Variants in GRM7 observed in about 807,000 individuals in gnomAD.
GRM7 encodes the protein metabotropic glutamate receptor 7.
GRM7 carries 35 observed loss-of-function variants against 84.5 expected under a neutral mutation model. That is an observed-to-expected ratio of 0.41 (90% CI 0.32 to 0.55). The LOEUF (loss-of-function observed/expected upper bound fraction) is 0.55, where lower values mean the gene tolerates loss of function less well. GRM7 is among the 20% of genes least tolerant of loss of function. The pLI is 0.19. For missense variants in GRM7, 1,003 were observed against 1,194.6 expected (o/e 0.84, Z 2.36); for synonymous variants, 487 against 455.1 (o/e 1.07, Z -0.89).
chr3:7,406,190 T>C (rs141903816), intron 4 of GRM7, among the ~76,000 whole-genome samples: 1,558 of 152,166 alleles, frequency 0.01, 16 homozygotes, highest in South Asian at 0.024. Context: ...AATGATTATC[T>C]TTAATAACTA....
At chr3:7,529,850 T>G (rs1447183010) in intron 7 of GRM7, among the ~76,000 whole-genome samples, 1 of 151,310 alleles carries the variant, frequency 6.6e-6, no homozygotes, top group Non-Finnish European at 1.5e-5. Context: ...GGGGAACAAA[T>G]AAGCTGTTGT....
chr3:7,258,966 G>T (rs1477300627), intron 2 of GRM7, among the ~76,000 whole-genome samples: 4 of 152,230 alleles, frequency 2.6e-5, no homozygotes. Context: ...ACTAACTTAA[G>T]ATGCATATGA....
intron 4 of GRM7, among the ~76,000 whole-genome samples, chr3:7,322,747 A>G (rs1848453): frequency 0.12 from 17,858 of 151,902 alleles, 1,131 homozygotes; most frequent in Non-Finnish European, 0.14. Context: ...ATTCCTTTTT[A>G]TGGCTGAGTA....
chr3:7,638,210 A>C (rs543708301), intron 8 of GRM7, among the ~76,000 whole-genome samples: 4 of 151,782 alleles, frequency 2.6e-5, no homozygotes, highest in Admixed American at 1.3e-4. Flanking sequence ...TGCAAAGATT[A>C]ATCTGTCTTT....
chr3:7,538,544 A>C (rs76069461), intron 7 of GRM7, among the ~76,000 whole-genome samples: 119 of 152,336 alleles, frequency 7.8e-4, no homozygotes, highest in African/African-American at 2.5e-3. Context: ...AGGATGAAAA[A>C]CATCAAGGTT....
intron 7 of GRM7, among the ~76,000 whole-genome samples, chr3:7,560,957 T>G (rs1037731624): frequency 7.2e-5 from 11 of 152,216 alleles, no homozygotes; most frequent in Non-Finnish European, 8.8e-5. Context: ...GGATATCATG[T>G]GGCACATACT....
At chr3:7,087,143 T>C (rs1698485939) in intron 1 of GRM7, among the ~76,000 whole-genome samples, 2 of 152,216 alleles carry the variant, frequency 1.3e-5, no homozygotes, top group South Asian at 4.1e-4. Flanking sequence ...GATAAGCATG[T>C]GCTTTCTTCT....
intron 2 of GRM7, among the ~76,000 whole-genome samples, chr3:7,268,183 T>C (rs1232497424): frequency 6.6e-6 from 1 of 152,090 alleles, no homozygotes; most frequent in Non-Finnish European, 1.5e-5. Context: ...GAATCAGATG[T>C]TAAAACTGGT....
chr3:7,545,311 C>T (rs1016126554), intron 7 of GRM7, among the ~76,000 whole-genome samples: 8 of 152,262 alleles, frequency 5.3e-5, no homozygotes, highest in African/African-American at 9.6e-5. Flanking sequence ...CTCTGTACTA[C>T]GTTAAGTATT....
At chr3:7,253,771 T>A (rs1310389611) in intron 2 of GRM7, among the ~76,000 whole-genome samples, 5 of 152,058 alleles carry the variant, frequency 3.3e-5, no homozygotes, top group Non-Finnish European at 5.9e-5. Flanking sequence ...GTGTAGTAAG[T>A]CTTCTGATGC....
chr3:7,668,789 G>T (rs1446519827), intron 8 of GRM7, among the ~76,000 whole-genome samples: 1 of 152,204 alleles, frequency 6.6e-6, no homozygotes, highest in African/African-American at 2.4e-5. Context: ...ATTTTGCATG[G>T]ATTTCTCAAA....
At chr3:7,679,488 A>T (rs2125139901) in intron 8 of GRM7, among the ~76,000 whole-genome samples, 1 of 152,190 alleles carries the variant, frequency 6.6e-6, no homozygotes, top group South Asian at 2.1e-4. Flanking sequence ...CTTGTGTTTT[A>T]TAAGACAGAA....
At chr3:7,404,783 A>G (rs1025325788) in intron 4 of GRM7, among the ~76,000 whole-genome samples, 1 of 151,866 alleles carries the variant, frequency 6.6e-6, no homozygotes, top group Non-Finnish European at 1.5e-5. Context: ...AACTCTTTTG[A>G]GTCCTACATA....
intron 8 of GRM7, among the ~76,000 whole-genome samples, chr3:7,628,190 A>G (rs1418601541): frequency 6.6e-6 from 1 of 152,196 alleles, no homozygotes; most frequent in African/African-American, 2.4e-5. Context: ...TAAAATGGGT[A>G]GCACACACTT....
At chr3:7,052,772 T>A (rs35595705) in intron 1 of GRM7, among the ~76,000 whole-genome samples, 20,697 of 145,772 alleles carry the variant, frequency 0.14, 1,824 homozygotes, top group Middle Eastern at 0.23. Flanking sequence ...TTTGAATACA[T>A]CACAGTTTGG....
chr3:7,194,907 TGA>T (rs1695830573), intron 2 of GRM7, among the ~76,000 whole-genome samples: 1 of 152,140 alleles, frequency 6.6e-6, no homozygotes, highest in African/African-American at 2.4e-5. Context: ...AGGGATTCTA[TGA>T]TAGTCTATCT....
At chr3:7,613,498 G>T (rs528238426) in intron 8 of GRM7, among the ~76,000 whole-genome samples, 1 of 152,206 alleles carries the variant, frequency 6.6e-6, no homozygotes, top group South Asian at 2.1e-4. Context: ...TAAACATAAG[G>T]TACCACTTCT....
chr3:7,360,940 T>C (rs888883888), intron 4 of GRM7, among the ~76,000 whole-genome samples: 13 of 152,182 alleles, frequency 8.5e-5, no homozygotes, highest in African/African-American at 3.1e-4. Flanking sequence ...TTAATGACAG[T>C]CCCATCTTGG....
intron 4 of GRM7, among the ~76,000 whole-genome samples, chr3:7,375,073 C>G (rs11131071): frequency 6.6e-6 from 1 of 151,884 alleles, no homozygotes; most frequent in African/African-American, 2.4e-5. Flanking sequence ...CTTGCCTTCA[C>G]TCTTCTCAAA....
Sources: gnomAD v4.1 joint callset for allele counts (sites outside exome capture counted in the v4.1 genomes callset) on GRCh38, gnomAD v4.1.1 for gene constraint, MANE v1.5 for transcripts, NCBI Gene and HGNC (gene_info 2026-07-23, HGNC 2026-07-21) for gene names.